ARSB: variants seen among roughly 807,000 people sequenced by gnomAD.
The protein encoded by ARSB is arylsulfatase B, also known as N-acetylgalactosamine-4-sulfatase.
ARSB carries 41 observed loss-of-function variants against 50.9 expected under a neutral mutation model. The observed-to-expected ratio is 0.81, with a 90% CI of 0.63 to 1.04. The LOEUF (loss-of-function observed/expected upper bound fraction) is 1.04. Among genes scored for constraint, ARSB ranks in the 50% least tolerant of loss-of-function variants. The probability of loss-of-function intolerance (pLI) is 0.00; values close to 1 mark genes in which losing one functional copy is unlikely to be tolerated. For synonymous variants in ARSB, 269 were observed against 284.8 expected (o/e 0.94, Z 0.56); for missense variants, 672 against 693.3 (o/e 0.97, Z 0.35).
At chr5:78,910,574 A>C (rs1470096101) in intron 4 of ARSB, among the ~76,000 whole-genome samples, 1 of 152,242 alleles carries the variant, frequency 6.6e-6, no homozygotes, top group Non-Finnish European at 1.5e-5. Flanking sequence ...AGGTCTTCTA[A>C]AAGCAGAAAA....
chr5:78,908,571 G>A (rs114013391), intron 4 of ARSB, among the ~76,000 whole-genome samples: 2,367 of 152,186 alleles, frequency 0.016, 34 homozygotes, highest in East Asian at 0.041. Context: ...AGCCTGGCCG[G>A]AACACCAACA....
chr5:78,910,923 A>G (rs972415958), intron 4 of ARSB, among the ~76,000 whole-genome samples: 2 of 152,198 alleles, frequency 1.3e-5, no homozygotes, highest in African/African-American at 2.4e-5. Flanking sequence ...TCCTGGGACC[A>G]TACTTAGAGA....
chr5:78,821,366 G>A (rs541533478), intron 6 of ARSB, among the ~76,000 whole-genome samples: 1 of 152,286 alleles, frequency 6.6e-6, no homozygotes, highest in African/African-American at 2.4e-5. Flanking sequence ...TCGAACTCCT[G>A]ACCTCAGATG....
At chr5:78,831,786 G>C (rs1744702509) in intron 6 of ARSB, among the ~76,000 whole-genome samples, 1 of 152,158 alleles carries the variant, frequency 6.6e-6, no homozygotes, top group South Asian at 2.1e-4. Flanking sequence ...CTGTAGCAGG[G>C]TGAGCCCCAT....
At chr5:78,947,942 C>T (rs1751319292) in intron 4 of ARSB, among the ~76,000 whole-genome samples, 1 of 152,164 alleles carries the variant, frequency 6.6e-6, no homozygotes. Context: ...CAATGGAGTA[C>T]TATTCAGTCA....
chr5:78,954,068 C>A (rs578064648), intron 4 of ARSB, among the ~76,000 whole-genome samples: 1 of 151,192 alleles, frequency 6.6e-6, no homozygotes, highest in Non-Finnish European at 1.5e-5. Context: ...TAAGATTTCC[C>A]AAATACTAGA....
At chr5:78,942,751 A>G (rs993067937) in intron 4 of ARSB, among the ~76,000 whole-genome samples, 30 of 152,168 alleles carry the variant, frequency 2.0e-4, no homozygotes, top group African/African-American at 5.5e-4. Flanking sequence ...AAGAATGTAT[A>G]TTCTGTTGAT....
intron 6 of ARSB, among the ~76,000 whole-genome samples, chr5:78,818,636 G>C (rs1744095620): frequency 9.0e-6 from 1 of 111,636 alleles, no homozygotes; most frequent in African/African-American, 3.7e-5. Flanking sequence ...TTTTGAGACA[G>C]AGTCTCGCTC....
chr5:78,813,279 G>T (rs1743881824), intron 6 of ARSB, among the ~76,000 whole-genome samples: 1 of 151,952 alleles, frequency 6.6e-6, no homozygotes, highest in South Asian at 2.1e-4. Context: ...GGCCAGGCTA[G>T]TCTTGAACTC....
chr5:78,950,986 G>A (rs1317016989), intron 4 of ARSB, among the ~76,000 whole-genome samples: 1 of 152,220 alleles, frequency 6.6e-6, no homozygotes, highest in African/African-American at 2.4e-5. Flanking sequence ...AAAAGAAAAT[G>A]AGATGCAAAA....
chr5:78,941,268 C>T (rs1409655530), intron 4 of ARSB, among the ~76,000 whole-genome samples: 4 of 151,058 alleles, frequency 2.6e-5, no homozygotes, highest in South Asian at 2.1e-4. Flanking sequence ...TAATTGAATG[C>T]CCTTTATTTC....
At chr5:78,930,650 A>C (rs1344013889) in intron 4 of ARSB, among the ~76,000 whole-genome samples, 1 of 152,216 alleles carries the variant, frequency 6.6e-6, no homozygotes, top group African/African-American at 2.4e-5. Context: ...GAGTCCTACA[A>C]GGTTAAGGAT....
At chr5:78,942,297 A>G (rs1750974031) in intron 4 of ARSB, among the ~76,000 whole-genome samples, 1 of 151,992 alleles carries the variant, frequency 6.6e-6, no homozygotes, top group Non-Finnish European at 1.5e-5. Context: ...TTCTGCTCTG[A>G]TCTTAGTTAT....
chr5:78,923,871 T>C (rs990724504), intron 4 of ARSB, among the ~76,000 whole-genome samples: 5 of 152,134 alleles, frequency 3.3e-5, no homozygotes, highest in Non-Finnish European at 1.5e-5. Context: ...TACAGTATTA[T>C]GTGTGGGCAT....
At chr5:78,923,578 T>C (rs1238324298) in intron 4 of ARSB, among the ~76,000 whole-genome samples, 3 of 152,260 alleles carry the variant, frequency 2.0e-5, no homozygotes, top group African/African-American at 7.2e-5. Flanking sequence ...TTGCTTTAAC[T>C]ATGGATCACA....
chr5:78,822,174 T>TA (rs1380321867), intron 6 of ARSB, among the ~76,000 whole-genome samples: 1 of 152,236 alleles, frequency 6.6e-6, no homozygotes, highest in Non-Finnish European at 1.5e-5. Flanking sequence ...TTTACAGTGA[T>TA]AATGAATTTT....
intron 5 of ARSB, among the ~76,000 whole-genome samples, chr5:78,882,175 A>C (rs1747779790): frequency 6.6e-6 from 1 of 152,216 alleles, no homozygotes; most frequent in Non-Finnish European, 1.5e-5. Context: ...TTTTATGGCC[A>C]CTTTTTACAC....
At chr5:78,855,121 A>C (rs1746071073) in intron 5 of ARSB, among the ~76,000 whole-genome samples, 1 of 152,192 alleles carries the variant, frequency 6.6e-6, no homozygotes, top group Admixed American at 6.5e-5. Context: ...GGGGTGTCTC[A>C]GCTCAGCCAC....
chr5:78,897,664 T>C (rs552964524), intron 4 of ARSB, among the ~76,000 whole-genome samples: 36 of 152,274 alleles, frequency 2.4e-4, no homozygotes, highest in East Asian at 7.7e-4. Flanking sequence ...CATAAATGTA[T>C]GGGAAATCAA....
Sources: gnomAD v4.1 joint callset for allele counts (sites outside exome capture counted in the v4.1 genomes callset) on GRCh38, gnomAD v4.1.1 for gene constraint, MANE v1.5 for transcripts, NCBI Gene and HGNC (gene_info 2026-07-23, HGNC 2026-07-21) for gene names.